The following WDR89 variants were observed in gnomAD, a reference collection of about 807,000 sequenced individuals.
The protein encoded by WDR89 is WD repeat domain 89, also known as WD repeat-containing protein 89.
In WDR89, 17 loss-of-function variants were observed where a neutral mutation model predicts 29.1. The observed-to-expected ratio is 0.58, with a 90% CI of 0.40 to 0.88. WDR89 has a LOEUF of 0.88. WDR89 is among the 40% of genes least tolerant of loss of function. WDR89 has a pLI of 0.00. For synonymous variants in WDR89, 138 were observed against 157.8 expected (o/e 0.87, Z 0.94); for missense variants, 396 against 456.3 (o/e 0.87, Z 1.20).
intron 1 of WDR89, among the ~76,000 whole-genome samples, chr14:63,627,099 T>C (rs1883110441): frequency 6.6e-6 from 1 of 150,924 alleles, no homozygotes; most frequent in Admixed American, 6.6e-5. Flanking sequence ...CTAGCTTAGG[T>C]GACAGAATAA....
intron 2 of WDR89, among the ~76,000 whole-genome samples, chr14:63,604,442 T>C (rs1313470404): frequency 6.6e-6 from 1 of 151,898 alleles, no homozygotes; most frequent in Admixed American, 6.6e-5. Context: ...ATTTAAAATG[T>C]TTAATTATGA....
intron 2 of WDR89, among the ~76,000 whole-genome samples, chr14:63,619,670 T>C (rs1340007500): frequency 2.0e-5 from 3 of 151,928 alleles, no homozygotes; most frequent in African/African-American, 7.3e-5. Context: ...AAAGAAACTA[T>C]AGTACAGCCA....
At chr14:63,620,210 G>C (rs973156976) in intron 2 of WDR89, among the ~76,000 whole-genome samples, 2 of 151,822 alleles carry the variant, frequency 1.3e-5, no homozygotes, top group Non-Finnish European at 2.9e-5. Context: ...CCAGCTACTC[G>C]GGTACACATT....
At chr14:63,600,155 G>A (rs942581973) in intron 2 of WDR89, among the ~76,000 whole-genome samples, 182 bp from the exon 3 acceptor site, 4 of 152,114 alleles carry the variant, frequency 2.6e-5, no homozygotes, top group African/African-American at 9.7e-5. Flanking sequence ...TCCTTCCTAT[G>A]ATGTAACTAA....
chr14:63,602,685 T>C (rs1895128440), intron 2 of WDR89, among the ~76,000 whole-genome samples: 1 of 150,446 alleles, frequency 6.6e-6, no homozygotes, highest in African/African-American at 2.4e-5. Flanking sequence ...GGCAGGAGAA[T>C]CGCTTGAACC....
At chr14:63,622,447 G>A (rs1277946663) in intron 2 of WDR89, among the ~76,000 whole-genome samples, 1 of 152,210 alleles carries the variant, frequency 6.6e-6, no homozygotes, top group Non-Finnish European at 1.5e-5. Flanking sequence ...TGGGCGTGGT[G>A]GCACATGCCT....
At chr14:63,641,640 G>C (rs995202785) in intron 1 of WDR89, among the ~76,000 whole-genome samples, 164 bp downstream of exon 1, 22 of 152,260 alleles carry the variant, frequency 1.4e-4, no homozygotes, top group African/African-American at 5.1e-4. Context: ...GGCGGAGCGA[G>C]ACTGCCAACA....
At chr14:63,628,948 A>C (rs1463106055) in intron 1 of WDR89, among the ~76,000 whole-genome samples, 2 of 149,250 alleles carry the variant, frequency 1.3e-5, no homozygotes, top group East Asian at 4.5e-4. Context: ...CAAAAAAAAA[A>C]CAAAAAACAA....
At chr14:63,638,764 ATT>A (rs903436508) in intron 1 of WDR89, among the ~76,000 whole-genome samples, 16 of 152,282 alleles carry the variant, frequency 1.1e-4, no homozygotes, top group Non-Finnish European at 1.9e-4. Context: ...TTTACTGTGA[ATT>A]TGTTTTTCTC....
chr14:63,619,884 A>G (rs1882570826), intron 2 of WDR89, among the ~76,000 whole-genome samples: 1 of 152,016 alleles, frequency 6.6e-6, no homozygotes, highest in Non-Finnish European at 1.5e-5. Context: ...ACGTGCCTAT[A>G]ATCCAAGCTA....
At chr14:63,625,799 G>A (rs1005305184) in intron 1 of WDR89, among the ~76,000 whole-genome samples, 3 of 151,642 alleles carry the variant, frequency 2.0e-5, no homozygotes, top group Non-Finnish European at 4.4e-5. Context: ...TGTAGAAAAT[G>A]TGGAAAATCA....
intron 1 of WDR89, among the ~76,000 whole-genome samples, chr14:63,626,522 C>T (rs1180744133): frequency 1.3e-5 from 2 of 150,076 alleles, no homozygotes; most frequent in African/African-American, 4.9e-5. Context: ...ACTAAAAATA[C>T]AAAAATGAGC....
At chr14:63,636,099 C>T (rs1355575453) in intron 1 of WDR89, among the ~76,000 whole-genome samples, 1 of 152,132 alleles carries the variant, frequency 6.6e-6, no homozygotes, top group Admixed American at 6.6e-5. Flanking sequence ...GTCCCAGCTA[C>T]TTGGGAGGCT....
chr14:63,638,328 T>C (rs1197771918), intron 1 of WDR89, among the ~76,000 whole-genome samples: 3 of 152,228 alleles, frequency 2.0e-5, no homozygotes, highest in African/African-American at 7.2e-5. Flanking sequence ...CTGGGTTGCA[T>C]GCCCATAGTC....
At chr14:63,632,115 A>C (rs112304290) in intron 1 of WDR89, among the ~76,000 whole-genome samples, 2,091 of 151,694 alleles carry the variant, frequency 0.014, 53 homozygotes, top group African/African-American at 0.047. Context: ...CTGCCTCAAA[A>C]AAACAAACAA....
At chr14:63,614,097 T>A (rs2139521891) in intron 2 of WDR89, among the ~76,000 whole-genome samples, 1 of 152,224 alleles carries the variant, frequency 6.6e-6, no homozygotes, top group South Asian at 2.1e-4. Context: ...ATGCTATTAA[T>A]TCCTATACTA....
At chr14:63,627,116 G>A (rs1359905389) in intron 1 of WDR89, among the ~76,000 whole-genome samples, 2 of 138,976 alleles carry the variant, frequency 1.4e-5, no homozygotes, top group African/African-American at 5.9e-5. Context: ...ATAAGACTTT[G>A]TCTCTAAACA....
chr14:63,633,059 G>C (rs567950026), intron 1 of WDR89, among the ~76,000 whole-genome samples: 2 of 152,018 alleles, frequency 1.3e-5, no homozygotes, highest in Non-Finnish European at 2.9e-5. Context: ...CAATGCCATA[G>C]GGTTTCATAA....
At chr14:63,636,551 C>A (rs1883750951) in intron 1 of WDR89, among the ~76,000 whole-genome samples, 1 of 152,136 alleles carries the variant, frequency 6.6e-6, no homozygotes, top group Admixed American at 6.6e-5. Context: ...CAGCATGGTA[C>A]TGGTATAAAA....
Sources: gnomAD v4.1 joint callset for allele counts (sites outside exome capture counted in the v4.1 genomes callset) on GRCh38, gnomAD v4.1.1 for gene constraint, MANE v1.5 for transcripts, NCBI Gene and HGNC (gene_info 2026-07-23, HGNC 2026-07-21) for gene names.